Variants in FNDC3A observed in about 807,000 individuals in gnomAD.
FNDC3A encodes fibronectin type-III domain-containing protein 3A.
In FNDC3A, 32 loss-of-function variants were observed where a neutral mutation model predicts 148.9. The observed-to-expected ratio is 0.21, with a 90% CI of 0.16 to 0.29. FNDC3A has a LOEUF of 0.29. FNDC3A is among the 10% of genes least tolerant of loss of function. The probability of loss-of-function intolerance (pLI) is 1.00; values close to 1 mark genes in which losing one functional copy is unlikely to be tolerated. For missense variants in FNDC3A, 1,191 were observed against 1,452.8 expected (o/e 0.82, Z 2.93); for synonymous variants, 472 against 473.6 (o/e 1.00, Z 0.04).
intron 2 of FNDC3A, among the ~76,000 whole-genome samples, chr13:49,047,552 G>T (rs2137703207): frequency 1.3e-5 from 2 of 152,312 alleles, no homozygotes; most frequent in Non-Finnish European, 2.9e-5. Flanking sequence ...CATTAGTGAT[G>T]TTGAGCATTT....
At chr13:49,009,745 T>A (rs1248699910) in intron 2 of FNDC3A, among the ~76,000 whole-genome samples, 3 of 152,218 alleles carry the variant, frequency 2.0e-5, no homozygotes, top group Non-Finnish European at 2.9e-5. Context: ...AGATTTCAGA[T>A]GTTTTAGTTT....
intron 2 of FNDC3A, among the ~76,000 whole-genome samples, chr13:49,029,790 G>A (rs984538587): frequency 7.9e-5 from 12 of 152,260 alleles, no homozygotes; most frequent in African/African-American, 2.2e-4. Flanking sequence ...CATTACTACA[G>A]ATCTTACAGA....
chr13:49,003,464 A>G (rs757632982), intron 1 of FNDC3A, among the ~76,000 whole-genome samples: 1 of 152,162 alleles, frequency 6.6e-6, no homozygotes, highest in Non-Finnish European at 1.5e-5. Flanking sequence ...TTCAAAATAT[A>G]TGCTCTTTGT....
intron 1 of FNDC3A, among the ~76,000 whole-genome samples, chr13:48,996,126 T>G (rs1952019248): frequency 6.6e-6 from 1 of 152,212 alleles, no homozygotes; most frequent in Non-Finnish European, 1.5e-5. Context: ...CCTATGGCTC[T>G]TCAAGACTAT....
chr13:48,985,611 C>A (rs775995982), intron 1 of FNDC3A, among the ~76,000 whole-genome samples: 20 of 151,836 alleles, frequency 1.3e-4, no homozygotes, highest in Non-Finnish European at 2.5e-4. Context: ...CATGAAAGGG[C>A]GAGATACAAT....
At chr13:49,102,228 T>C (rs1378102237) in intron 3 of FNDC3A, among the ~76,000 whole-genome samples, 1 of 152,104 alleles carries the variant, frequency 6.6e-6, no homozygotes, top group Non-Finnish European at 1.5e-5. Context: ...GGCTTGTGTT[T>C]TGGTTTGGTT....
At chr13:49,037,815 G>A (rs1874613360) in intron 2 of FNDC3A, among the ~76,000 whole-genome samples, 4 of 152,158 alleles carry the variant, frequency 2.6e-5, no homozygotes, top group Non-Finnish European at 5.9e-5. Flanking sequence ...TTGTGCTCTG[G>A]CCCCATGATA....
chr13:49,117,130 G>T (rs866616297), intron 4 of FNDC3A, among the ~76,000 whole-genome samples: 1 of 152,164 alleles, frequency 6.6e-6, no homozygotes, highest in African/African-American at 2.4e-5. Flanking sequence ...TATAGTAGGA[G>T]CTCAGTAAAT....
At chr13:49,053,607 G>A (rs1876011501) in intron 2 of FNDC3A, among the ~76,000 whole-genome samples, 2 of 152,190 alleles carry the variant, frequency 1.3e-5, no homozygotes, top group South Asian at 4.2e-4. Flanking sequence ...GGTCATAGGT[G>A]GATTCAACTA....
At chr13:49,106,123 CTCCCTCTGTGTAGAATGTTCT>C (rs1880158314) in intron 3 of FNDC3A, among the ~76,000 whole-genome samples, 1 of 152,128 alleles carries the variant, frequency 6.6e-6, no homozygotes, top group Admixed American at 6.5e-5. Context: ...ACACTGGTTG[CTCCCTCTGTGTAGAATGTTCT>C]TCCCTCAGAT....
chr13:49,084,694 C>G (rs1438357733), intron 3 of FNDC3A, among the ~76,000 whole-genome samples: 2 of 152,114 alleles, frequency 1.3e-5, no homozygotes, highest in African/African-American at 4.8e-5. Flanking sequence ...ATTAACACTA[C>G]TAGAGTGTGT....
chr13:49,100,730 G>A (rs1879806332), intron 3 of FNDC3A, among the ~76,000 whole-genome samples: 2 of 152,080 alleles, frequency 1.3e-5, no homozygotes, highest in South Asian at 4.1e-4. Context: ...TGAGTCCCCA[G>A]AATTTGTTTT....
chr13:49,017,356 A>G (rs1202621878), intron 2 of FNDC3A, among the ~76,000 whole-genome samples: 2 of 152,108 alleles, frequency 1.3e-5, no homozygotes, highest in East Asian at 3.9e-4. Flanking sequence ...CCATTATGTA[A>G]TGGCCTTCTT....
intron 2 of FNDC3A, among the ~76,000 whole-genome samples, chr13:49,008,210 G>A (rs1034077865): frequency 2.0e-5 from 3 of 152,116 alleles, no homozygotes; most frequent in African/African-American, 4.8e-5. Flanking sequence ...ATCAGAAAAC[G>A]TGGAGATAGT....
intron 8 of FNDC3A, among the ~76,000 whole-genome samples, chr13:49,161,916 A>G (rs1401705732): frequency 1.3e-5 from 2 of 152,112 alleles, no homozygotes; most frequent in Non-Finnish European, 2.9e-5. Flanking sequence ...AAATTCTTTA[A>G]GAATGTTGAA....
At chr13:49,047,251 G>C (rs1875489479) in intron 2 of FNDC3A, among the ~76,000 whole-genome samples, 1 of 151,164 alleles carries the variant, frequency 6.6e-6, no homozygotes, top group Non-Finnish European at 1.5e-5. Flanking sequence ...ACATATTTTT[G>C]CAGTTGCGAA....
rs188601166 is a variant in FNDC3A at position 49,009,222 on chromosome 13, A to G, written c.99+2933A>G. 1.4e-3 allele frequency among the ~76,000 whole-genome samples: 208 copies of G among 152,320 alleles called. 1 individual carries two copies. The highest frequency in any genetic ancestry group is 4.8e-3 in the African/African-American group (199 of 41,572). On this transcript the variant is annotated intron_variant, in intron 2 of 25. Coordinates refer to ENST00000492622, the MANE Select transcript of FNDC3A (RefSeq NM_001079673.2). ...TGTATTTTTAAGAATGCAATACAGT[A>G]TGTAGCCCTTTCAGACTGGCTTCTC...
intron 8 of FNDC3A, among the ~76,000 whole-genome samples, chr13:49,155,362 A>T (rs1593671905): frequency 1.3e-5 from 2 of 150,210 alleles, no homozygotes; most frequent in South Asian, 4.2e-4. Flanking sequence ...ATCAGTGGTG[A>T]TATCCCCTTT....
At chr13:49,097,293 T>C (rs1195097383) in intron 3 of FNDC3A, among the ~76,000 whole-genome samples, 1 of 151,882 alleles carries the variant, frequency 6.6e-6, no homozygotes, top group African/African-American at 2.4e-5. Context: ...TTTCCAAATA[T>C]TTCTTTTAGA....
Sources: gnomAD v4.1 joint callset for allele counts (sites outside exome capture counted in the v4.1 genomes callset) on GRCh38, gnomAD v4.1.1 for gene constraint, MANE v1.5 for transcripts, NCBI Gene and HGNC (gene_info 2026-07-23, HGNC 2026-07-21) for gene names.